Variants in TRIQK observed in about 807,000 individuals in gnomAD.
TRIQK encodes the protein triple QxxK/R motif-containing protein.
In TRIQK, 10 loss-of-function variants were observed where a neutral mutation model predicts 10.8. The ratio of observed to expected loss-of-function variants is 0.92; its 90% confidence interval spans 0.57 to 1.57. The LOEUF is 1.57. Among genes scored for constraint, TRIQK ranks in the 40% most tolerant of loss-of-function variants. The pLI, the probability that TRIQK is intolerant of heterozygous loss-of-function variation, is 0.00. For synonymous variants in TRIQK, 33 were observed against 33.7 expected, an observed-to-expected ratio of 0.98 and a Z score of 0.07; for missense variants, 107 against 97.7, an observed-to-expected ratio of 1.09 and a Z score of -0.40.
intron 2 of TRIQK, among the ~76,000 whole-genome samples, chr8:92,925,307 A>G (rs1586434886): frequency 6.6e-6 from 1 of 152,156 alleles, no homozygotes; most frequent in Non-Finnish European, 1.5e-5. Context: ...TACTAGGGAA[A>G]ATATTATATT....
intron 3 of TRIQK, among the ~76,000 whole-genome samples, chr8:92,900,061 G>A (rs1232679580): frequency 6.6e-6 from 1 of 152,086 alleles, no homozygotes; most frequent in Non-Finnish European, 1.5e-5. Flanking sequence ...TTTGAGAAAT[G>A]CCTATTCAGA....
intron 1 of TRIQK, among the ~76,000 whole-genome samples, chr8:93,009,971 C>T (rs1018153492): frequency 2.6e-5 from 4 of 152,042 alleles, no homozygotes; most frequent in Admixed American, 2.6e-4. Context: ...TTTGTAACAA[C>T]ATGGATGAAG....
chr8:92,981,553 G>A (rs1812987396), intron 1 of TRIQK, among the ~76,000 whole-genome samples: 1 of 151,198 alleles, frequency 6.6e-6, no homozygotes, highest in African/African-American at 2.4e-5. Context: ...ATGTTGATTG[G>A]TACATAAAGA....
intron 1 of TRIQK, among the ~76,000 whole-genome samples, chr8:92,993,822 T>G (rs1322204532): frequency 6.6e-6 from 1 of 152,228 alleles, no homozygotes; most frequent in African/African-American, 2.4e-5. Flanking sequence ...TGGAACTGTC[T>G]ATTAGGCTTT....
intron 3 of TRIQK, among the ~76,000 whole-genome samples, chr8:92,916,106 G>A (rs2130453073): frequency 6.6e-6 from 1 of 152,234 alleles, no homozygotes; most frequent in Non-Finnish European, 1.5e-5. Context: ...TGAAGAAGGG[G>A]AAGTTACCTT....
At chr8:92,904,937 C>T (rs2130371045) in intron 3 of TRIQK, among the ~76,000 whole-genome samples, 1 of 152,280 alleles carries the variant, frequency 6.6e-6, no homozygotes, top group Middle Eastern at 3.4e-3. Context: ...TAACTTGCCA[C>T]ACCTTACTTA....
intron 2 of TRIQK, among the ~76,000 whole-genome samples, chr8:92,939,934 T>A (rs1173705020): frequency 6.6e-6 from 1 of 151,910 alleles, no homozygotes; most frequent in Admixed American, 6.6e-5. Context: ...CAACCACAGA[T>A]CCCAAATAGC....
rs67063066 is a variant in TRIQK at position 92,898,833 on chromosome 8, GTATATATATATATATATATA to G, written c.62-6779_62-6760del. 2.8e-4 allele frequency among the ~76,000 whole-genome samples: 21 copies of G among 73,920 alleles called. 2 individuals are homozygous for G. The East Asian group carries it at 3.4e-3, about 12-fold the overall frequency. The allele number at this position is 73,920 out of a possible 152,430, so 48.5% of individuals were successfully genotyped here. On this transcript the variant is annotated intron_variant, in intron 3 of 4. Coordinates refer to ENST00000521988, the MANE Select transcript of TRIQK (RefSeq NM_001171797.2). ...GCAGGTACATAATAGGTGTGTGTGT[GTATATATATATATATATATA>G]TATATATATATATATATATAGATGG...
intron 2 of TRIQK, among the ~76,000 whole-genome samples, chr8:92,947,077 A>T (rs536645370): frequency 6.6e-6 from 1 of 151,218 alleles, no homozygotes; most frequent in Non-Finnish European, 1.5e-5. Context: ...TTTATTTTTT[A>T]ACTACGTGTG....
intron 1 of TRIQK, among the ~76,000 whole-genome samples, chr8:92,958,747 G>C (rs1467902576): frequency 6.6e-6 from 1 of 151,926 alleles, no homozygotes; most frequent in East Asian, 1.9e-4. Flanking sequence ...TTACAATTCA[G>C]GTCAGGAGTT....
intron 1 of TRIQK, among the ~76,000 whole-genome samples, chr8:92,972,024 T>A (rs1029221154): frequency 9.2e-5 from 14 of 152,214 alleles, no homozygotes; most frequent in Admixed American, 2.0e-4. Context: ...AATGTTGACC[T>A]TTTTATCTCT....
At chr8:92,973,339 T>C (rs1461613181) in intron 1 of TRIQK, 5 of 152,174 alleles carry the variant, frequency 3.3e-5, no homozygotes, top group Non-Finnish European at 7.3e-5. Flanking sequence ...AAAATGAAGG[T>C]GAACAGTAGC....
At chr8:93,015,356 A>G (rs1813373715) in intron 1 of TRIQK, among the ~76,000 whole-genome samples, 2 of 152,084 alleles carry the variant, frequency 1.3e-5, no homozygotes, top group East Asian at 3.9e-4. Flanking sequence ...GTTATTCTGC[A>G]AGCATGTTTT....
At chr8:92,908,304 T>C (rs1809387808) in intron 3 of TRIQK, among the ~76,000 whole-genome samples, 1 of 152,184 alleles carries the variant, frequency 6.6e-6, no homozygotes, top group East Asian at 1.9e-4. Flanking sequence ...TATCATCATG[T>C]GGCAGTACTG....
chr8:92,958,350 C>T (rs1403796832), intron 1 of TRIQK, among the ~76,000 whole-genome samples: 1 of 151,988 alleles, frequency 6.6e-6, no homozygotes. Context: ...CTGTACAAGT[C>T]ACCTATACCT....
intron 1 of TRIQK, among the ~76,000 whole-genome samples, chr8:92,972,414 A>G (rs1022643507): frequency 6.6e-6 from 1 of 150,940 alleles, no homozygotes; most frequent in Non-Finnish European, 1.5e-5. Context: ...TTCTTTAGCT[A>G]TATTCTTTTT....
At chr8:93,003,472 C>A (rs538611565) in intron 1 of TRIQK, among the ~76,000 whole-genome samples, 1 of 152,152 alleles carries the variant, frequency 6.6e-6, no homozygotes, top group African/African-American at 2.4e-5. Flanking sequence ...TTTCCCTCCC[C>A]CATCACTGGC....
chr8:92,948,103 G>C (rs949336275), intron 2 of TRIQK, among the ~76,000 whole-genome samples: 5 of 151,988 alleles, frequency 3.3e-5, no homozygotes, highest in Non-Finnish European at 7.4e-5. Context: ...GAACAAAACT[G>C]AATTTTTAAT....
At chr8:92,925,213 T>C (rs755601339) in intron 2 of TRIQK, among the ~76,000 whole-genome samples, 4 of 152,016 alleles carry the variant, frequency 2.6e-5, no homozygotes, top group Non-Finnish European at 4.4e-5. Context: ...CAACCAAAAA[T>C]ATTTAACCCC....
Sources: gnomAD v4.1 joint callset for allele counts (sites outside exome capture counted in the v4.1 genomes callset) on GRCh38, gnomAD v4.1.1 for gene constraint, MANE v1.5 for transcripts, NCBI Gene and HGNC (gene_info 2026-07-23, HGNC 2026-07-21) for gene names.